The following KCNH5 variants were observed in gnomAD, a reference collection of about 807,000 sequenced individuals.
The protein encoded by KCNH5 is potassium voltage-gated channel subfamily H member 5, also known as voltage-gated delayed rectifier potassium channel KCNH5.
Under a neutral mutation model 96.1 loss-of-function variants are expected in KCNH5, and 46 were observed. That is an observed-to-expected ratio of 0.48 (90% CI 0.38 to 0.61). KCNH5 has a LOEUF of 0.61. Among genes scored for constraint, KCNH5 ranks in the 20% least tolerant of loss-of-function variants. The probability of loss-of-function intolerance (pLI) is 0.00; values close to 1 mark genes in which losing one functional copy is unlikely to be tolerated. For missense variants in KCNH5, 907 were observed against 1,225.8 expected (o/e 0.74, Z 3.88); for synonymous variants, 439 against 449.8 (o/e 0.98, Z 0.30).
intron 1 of KCNH5, among the ~76,000 whole-genome samples, chr14:63,036,502 C>CA (rs11444957): frequency 0.26 from 35,932 of 138,924 alleles, 4,721 homozygotes; most frequent in East Asian, 0.44. Flanking sequence ...ACGGGAGATA[C>CA]AAAAAAAAAA....
intron 7 of KCNH5, among the ~76,000 whole-genome samples, chr14:62,877,241 C>T (rs1215157141): frequency 6.6e-6 from 1 of 151,546 alleles, no homozygotes; most frequent in Non-Finnish European, 1.5e-5. Flanking sequence ...CATAAAAACC[C>T]TAGAAGAAAA....
At chr14:62,870,282 AT>A (rs746935172) in intron 7 of KCNH5, among the ~76,000 whole-genome samples, 16 of 151,980 alleles carry the variant, frequency 1.1e-4, no homozygotes, top group African/African-American at 3.9e-4. Context: ...AGTGATGGTA[AT>A]TTTTTTTGAC....
intron 10 of KCNH5, among the ~76,000 whole-genome samples, chr14:62,745,743 T>C (rs1486823551): frequency 6.6e-6 from 1 of 152,194 alleles, no homozygotes; most frequent in East Asian, 1.9e-4. Flanking sequence ...AACTGTCTAA[T>C]GAGGAGTTAT....
chr14:62,841,599 A>T lies in KCNH5; in HGVS notation c.1569+8054T>A, dbSNP rs531566215. Among the ~76,000 whole-genome samples, 4 of 152,366 alleles carry T rather than the reference A, an allele frequency of 2.6e-5. No individual in the cohort carries two copies. The East Asian group carries it at 7.7e-4, about 29-fold the overall frequency. On this transcript the variant is annotated intron_variant, in intron 8 of 10. Transcript: ENST00000322893. ...TCTATTTTCATCTATGCTTAAATAA[A>T]ACAGTGCCCACTGAATACCAAGCAA...
intron 6 of KCNH5, among the ~76,000 whole-genome samples, chr14:62,957,032 C>G (rs1357262295): frequency 1.3e-5 from 2 of 152,168 alleles, no homozygotes; most frequent in African/African-American, 4.8e-5. Flanking sequence ...TCAAATACAT[C>G]AAGTGCATAA....
At chr14:62,987,279 C>A in intron 4 of KCNH5, 92 bp from the exon 5 acceptor site, 1 of 841,140 alleles carries the variant, frequency 1.2e-6, no homozygotes, top group East Asian at 2.5e-5. Context: ...TCAGCAACCA[C>A]ATAACATCCA....
intron 7 of KCNH5, among the ~76,000 whole-genome samples, chr14:62,948,771 G>GCA (rs1889943129): frequency 2.0e-5 from 3 of 148,916 alleles, no homozygotes; most frequent in Admixed American, 2.0e-4. Context: ...TAAAATACTG[G>GCA]CAAACCGAAT....
rs145833098 is a variant in KCNH5 at position 63,026,994 on chromosome 14, T to G, written c.74-10040A>C. On this transcript the variant is annotated intron_variant, in intron 1 of 10. Transcript: ENST00000322893. Reference sequence around the variant, plus strand: ...ATGAATAACGAAAATGTGGTATATATGCCTAATGAAATATTATACAGCCTT... The same window carrying G: ...ATGAATAACGAAAATGTGGTATATAGGCCTAATGAAATATTATACAGCCTT... 1.6e-3 allele frequency among the ~76,000 whole-genome samples: 246 copies of G among 152,200 alleles called. 1 individual carries two copies. Among genetic ancestry groups the G allele is most frequent in the African/African-American group, 5.8e-3 (240 of 41,568 alleles).
At chr14:62,969,758 T>C (rs1039721702) in intron 6 of KCNH5, among the ~76,000 whole-genome samples, 1 of 82,196 alleles carries the variant, frequency 1.2e-5, no homozygotes, top group Non-Finnish European at 2.3e-5. Context: ...ATAAAATTAA[T>C]TTTTTTTTTT....
At chr14:62,910,882 G>T (rs1889135863) in intron 7 of KCNH5, among the ~76,000 whole-genome samples, 1 of 143,158 alleles carries the variant, frequency 7.0e-6, no homozygotes, top group South Asian at 2.3e-4. Context: ...ATCAAACAGG[G>T]TATGTGTGTG....
chr14:63,023,199 T>G (rs1299194223), intron 1 of KCNH5, among the ~76,000 whole-genome samples: 3 of 147,592 alleles, frequency 2.0e-5, no homozygotes, highest in African/African-American at 7.6e-5. Flanking sequence ...CAAGACTACA[T>G]CTCAAAAAAA....
chr14:62,928,048 A>G (rs114378627), intron 7 of KCNH5, among the ~76,000 whole-genome samples: 2 of 152,118 alleles, frequency 1.3e-5, no homozygotes, highest in Non-Finnish European at 2.9e-5. Flanking sequence ...TTTGAAAAAG[A>G]GTTGGTAAAA....
At chr14:62,800,349 T>C (rs1295984076) in intron 9 of KCNH5, among the ~76,000 whole-genome samples, 1 of 152,194 alleles carries the variant, frequency 6.6e-6, no homozygotes, top group Admixed American at 6.5e-5. Context: ...TACTGTGTCA[T>C]TGGGCAAAAC....
chr14:62,950,110 A>G, intron 7 of KCNH5, 23 bp downstream of exon 7: 2 of 1,605,258 alleles, frequency 1.2e-6, no homozygotes, highest in African/African-American at 1.3e-5. Flanking sequence ...AATAATTTTC[A>G]ATGAAAAAAT....
intron 1 of KCNH5, among the ~76,000 whole-genome samples, chr14:63,028,763 T>C (rs1460889179): frequency 1.3e-5 from 2 of 151,972 alleles, no homozygotes; most frequent in Admixed American, 1.3e-4. Flanking sequence ...AAGTAGGTAA[T>C]TAAGACTTTG....
intron 10 of KCNH5, among the ~76,000 whole-genome samples, chr14:62,718,277 A>AC (rs1170618039): frequency 6.6e-6 from 1 of 151,982 alleles, no homozygotes; most frequent in Admixed American, 6.6e-5. Flanking sequence ...CTGCATATCT[A>AC]CCCCCGAATT....
intron 10 of KCNH5, among the ~76,000 whole-genome samples, chr14:62,732,705 C>T (rs1003779410): frequency 2.0e-5 from 3 of 151,960 alleles, no homozygotes; most frequent in Non-Finnish European, 2.9e-5. Flanking sequence ...TTTTCAGTTG[C>T]GTGTGACCAA....
chr14:63,039,101 TAAGAC>T (rs1409837407), intron 1 of KCNH5, among the ~76,000 whole-genome samples: 2 of 152,102 alleles, frequency 1.3e-5, no homozygotes, highest in African/African-American at 2.4e-5. Flanking sequence ...AAAAGTACTT[TAAGAC>T]ATGTTTCAAT....
At chr14:62,920,215 G>A (rs1435049296) in intron 7 of KCNH5, among the ~76,000 whole-genome samples, 2 of 152,034 alleles carry the variant, frequency 1.3e-5, no homozygotes, top group Non-Finnish European at 2.9e-5. Context: ...GATGTGGAGG[G>A]ATAGGGAAAA....
Sources: allele counts gnomAD v4.1 joint callset (sites outside exome capture counted in the v4.1 genomes callset), GRCh38; gene constraint gnomAD v4.1.1; transcripts MANE v1.5; gene names NCBI Gene and HGNC (gene_info 2026-07-23, HGNC 2026-07-21).